ZNF99: variants seen among roughly 807,000 people sequenced by gnomAD.
ZNF99 encodes the protein zinc finger protein ENSP00000375192.
Under a neutral mutation model 12.8 loss-of-function variants are expected in ZNF99, and 8 were observed. That is an observed-to-expected ratio of 0.62 (90% CI 0.37 to 1.13). The LOEUF (loss-of-function observed/expected upper bound fraction) is 1.13, where lower values mean the gene tolerates loss of function less well. ZNF99 is among the 50% of genes most tolerant of loss of function. ZNF99 has a pLI of 0.02. For missense variants in ZNF99, 1,007 were observed against 1,006.2 expected, an observed-to-expected ratio of 1.00 and a Z score of -0.01; for synonymous variants, 318 against 319.0, an observed-to-expected ratio of 1.00 and a Z score of 0.03.
At chr19:22,767,107 CAAAAA>C (rs35316902) in intron 3 of ZNF99, among the ~76,000 whole-genome samples, 3 of 81,748 alleles carry the variant, frequency 3.7e-5, no homozygotes, top group Non-Finnish European at 5.7e-5. Context: ...CTGTCTCTAC[CAAAAA>C]AAAAAAAAAA....
chr19:22,769,914 T>C (rs1272555318), intron 1 of ZNF99: 65 of 1,361,692 alleles, frequency 4.8e-5, no homozygotes, highest in Non-Finnish European at 6.0e-5. Context: ...TGATAACATG[T>C]ACATTTTTGA....
chr19:22,769,456 T>G, intron 1 of ZNF99, 132 bp from the exon 2 acceptor site: 2 of 1,010,768 alleles, frequency 2.0e-6, no homozygotes, highest in South Asian at 1.7e-5. Context: ...ACGTATTCAG[T>G]AAAATAATTT....
intron 1 of ZNF99, among the ~76,000 whole-genome samples, chr19:22,776,569 C>T (rs1599449464): frequency 6.6e-6 from 1 of 150,732 alleles, no homozygotes; most frequent in Non-Finnish European, 1.5e-5. Flanking sequence ...ACTACAAAGT[C>T]AAAAAATAAC....
rs116370308 is a variant in ZNF99 at position 22,774,995 on chromosome 19, G to A, written c.4-5671C>T. Among the ~76,000 whole-genome samples the A allele has an allele frequency of 6.2e-3, 948 of 152,132 alleles. 11 individuals carry two copies. Among genetic ancestry groups the A allele is most frequent in the African/African-American group, 0.019 (799 of 41,522 alleles). On this transcript the variant is annotated intron_variant, in intron 1 of 3. Transcript: ENST00000596209. ...TAAAATGGCCATACTACCCAAAAAC[G>A]GAACAGATTTAATGCTATTCTTATC... is the stretch of plus-strand genomic sequence containing the variant.
rs1172607954 is a variant in ZNF99, at chr19:22,764,196, C to T, written c.226+4109G>A. On this transcript the variant is annotated intron_variant, in intron 3 of 3. Transcript: ENST00000596209. ...TGCTGGGATTACAGGCATGAGCCAC[C>T]GCGCCTGGCCAGGGACTCTTTTCAA... Among the ~76,000 whole-genome samples the T allele has an allele frequency of 4.6e-5, 7 of 152,058 alleles. 1 individual carries two copies. The highest frequency in any genetic ancestry group is 1.9e-4 in the East Asian group (1 of 5,158).
At chr19:22,783,894 G>A (rs1973418417) in intron 1 of ZNF99, 120 bp downstream of exon 1, 10 of 1,345,632 alleles carry the variant, frequency 7.4e-6, no homozygotes, top group Middle Eastern at 3.6e-4. Context: ...AGCTGGGCAA[G>A]AGCTCGGGGC....
At position 22,757,892 on chromosome 19, in the gene ZNF99, C is replaced by T. The variant is rs62119157; in HGVS notation, c.2017G>A (p.Glu673Lys). The T allele has an allele frequency of 0.088, 141,194 of 1,611,598 alleles. 6,365 individuals carry two copies. Among genetic ancestry groups the T allele is most frequent in the Middle Eastern group, 0.14 (831 of 6,038 alleles). Residue 673 changes from glutamate to lysine, a missense_variant, in exon 4 of 4, where the codon GAA becomes AAA. By Grantham distance (56) the Glu-to-Lys change is moderately conservative. Transcript: ENST00000596209. ...TCTTCACATTTGTAGGGTTTCTCTT[C>T]AGTATGAATTACTTTATGTCTAGTA... Reference protein sequence around the residue: ...HLTRHKVIHTEEKPYKCEECG... With the variant: ...HLTRHKVIHTKEKPYKCEECG...
At position 22,753,077 on chromosome 19, in the gene ZNF99, T is replaced by C. The variant is rs1413724547; in HGVS notation, c.*4237A>G. On this transcript the variant is annotated 3_prime_UTR_variant, in exon 4 of 4. Transcript: ENST00000596209. ...TTGATCGCATGCTTTCACATGTAAATAAAGTAGGAATGAAGAGCATGAAGT... is the reference window on the plus strand; with the variant it reads ...TTGATCGCATGCTTTCACATGTAAACAAAGTAGGAATGAAGAGCATGAAGT... The C allele has an allele frequency of 6.6e-6, 1 of 152,134 alleles. No homozygotes were observed. Among genetic ancestry groups the C allele is most frequent in the Non-Finnish European group, 1.5e-5 (1 of 67,976 alleles). The allele number at this position is 152,134 out of a possible 1,614,324, so 9.4% of individuals were successfully genotyped here.
At chr19:22,774,967 C>A (rs145793428) in intron 1 of ZNF99, among the ~76,000 whole-genome samples, 1 of 152,266 alleles carries the variant, frequency 6.6e-6, no homozygotes, top group African/African-American at 2.4e-5. Context: ...AGATCAAAAT[C>A]ATTAAAATGG....
chr19:22,759,763 T>A (rs1214678849), intron 3 of ZNF99, 81 bp from the exon 4 acceptor site: 36 of 1,059,816 alleles, frequency 3.4e-5, no homozygotes, highest in Non-Finnish European at 4.2e-5. Context: ...TATAAAATTA[T>A]ACAAACCGCT....
At chr19:22,778,812 C>G (rs1973355817) in intron 1 of ZNF99, among the ~76,000 whole-genome samples, 1 of 151,884 alleles carries the variant, frequency 6.6e-6, no homozygotes, top group South Asian at 2.1e-4. Context: ...CAAGACTGGC[C>G]TGAACAACAT....
At position 22,755,526 on chromosome 19, in the gene ZNF99, CA is replaced by C; in HGVS notation, c.*1787del. On this transcript the variant is annotated 3_prime_UTR_variant, in exon 4 of 4. Coordinates refer to ENST00000596209, the MANE Select transcript of ZNF99 (RefSeq NM_001080409.3). ...CCGTTAGAAGCTTTGCCACATTCTT[CA>C]CATTTGTAAAGTATCTCTCCAGTAT... is the stretch of plus-strand genomic sequence containing the variant. 3.3e-6 allele frequency: 1 copy of C among 301,424 alleles called. No homozygotes were observed. 18.7% of individuals were successfully genotyped at this position (301,424 alleles called of 1,614,324 possible).
At chr19:22,782,661 C>T (rs868834192) in intron 1 of ZNF99, among the ~76,000 whole-genome samples, 6,424 of 86,576 alleles carry the variant, frequency 0.074, 456 homozygotes, top group African/African-American at 0.18. Flanking sequence ...CGCACCTGGC[C>T]TTTTTTTTTT....
intron 3 of ZNF99, among the ~76,000 whole-genome samples, chr19:22,762,695 C>A (rs901021849): frequency 6.6e-6 from 1 of 151,934 alleles, no homozygotes; most frequent in Non-Finnish European, 1.5e-5. Flanking sequence ...AAAAGAAAAC[C>A]ACAGACTGAC....
chr19:22,768,452 T>G (rs949094408), intron 2 of ZNF99, 52 bp from the exon 3 acceptor site: 5 of 1,468,444 alleles, frequency 3.4e-6, no homozygotes, highest in African/African-American at 1.4e-5. Context: ...CCCCAAATAA[T>G]GTGCTCATTA....
At chr19:22,782,661 C>A (rs868834192) in intron 1 of ZNF99, among the ~76,000 whole-genome samples, 1 of 86,650 alleles carries the variant, frequency 1.2e-5, no homozygotes, top group Non-Finnish European at 2.2e-5. Context: ...CGCACCTGGC[C>A]TTTTTTTTTT....
At position 22,768,328 on chromosome 19, in the gene ZNF99, T is replaced by C; in HGVS notation, c.203A>G (p.His68Arg). The C allele has an allele frequency of 6.2e-7, 1 of 1,613,946 alleles. No homozygotes were observed. Among genetic ancestry groups the C allele is most frequent in the South Asian group, 1.1e-5 (1 of 91,068 alleles). Residue 68 changes from histidine to arginine, a missense_variant, in exon 3 of 4, where the codon CAT becomes CGT. Physicochemically the swap from His to Arg is conservative, Grantham distance 29 (BLOSUM62 0). Coordinates refer to ENST00000596209, the MANE Select transcript of ZNF99 (RefSeq NM_001080409.3). ...ACCTGGGGGTTTAGTTACCATCTCA[T>C]GTCTCTTCATATTCCAAGGCTCTTT... ...QGKEPWNMKR[H>R]EMVTKPPVIS...
At chr19:22,778,913 A>G (rs1268797977) in intron 1 of ZNF99, among the ~76,000 whole-genome samples, 1 of 152,086 alleles carries the variant, frequency 6.6e-6, no homozygotes, top group Non-Finnish European at 1.5e-5. Flanking sequence ...AGGCTGAGGC[A>G]GGAGAATCGC....
In ZNF99 at chr19:22,753,788, A is replaced by C. The variant is rs1028660602; in HGVS notation, c.*3526T>G. On this transcript the variant is annotated 3_prime_UTR_variant, in exon 4 of 4. Transcript: ENST00000596209. ...TTTTCCACATTCTTCATAGGTGTAC[A>C]TTTTTTTTCAAGTATAAATGCTTTC... 4.6e-6 allele frequency: 1 copy of C among 217,606 alleles called. No homozygotes were observed. The highest frequency in any genetic ancestry group is 9.4e-6 in the Non-Finnish European group (1 of 106,350). The allele number at this position is 217,606 out of a possible 1,614,324, so 13.5% of individuals were successfully genotyped here.
Sources: gnomAD v4.1 joint callset for allele counts (sites outside exome capture counted in the v4.1 genomes callset) on GRCh38, gnomAD v4.1.1 for gene constraint, MANE v1.5 for transcripts, NCBI Gene and HGNC (gene_info 2026-07-23, HGNC 2026-07-21) for gene names.